Variants in GSG1L observed in about 807,000 individuals in gnomAD.
GSG1L encodes the protein GSG1 like.
GSG1L carries 24 observed loss-of-function variants against 42.1 expected under a neutral mutation model. That is an observed-to-expected ratio of 0.57 (90% CI 0.41 to 0.80). The LOEUF is 0.80. Ranked by LOEUF, GSG1L falls within the 30% of genes least tolerant of loss-of-function variation. GSG1L has a pLI of 0.00. For synonymous variants in GSG1L, 215 were observed against 203.5 expected, an observed-to-expected ratio of 1.06 and a Z score of -0.48; for missense variants, 445 against 472.2, an observed-to-expected ratio of 0.94 and a Z score of 0.53.
At chr16:27,960,757 C>T (rs144962214) in intron 2 of GSG1L, among the ~76,000 whole-genome samples, 1 of 152,270 alleles carries the variant, frequency 6.6e-6, no homozygotes, top group Non-Finnish European at 1.5e-5. Flanking sequence ...ACCCTGCCAA[C>T]CTCAAGCGAG....
intron 3 of GSG1L, among the ~76,000 whole-genome samples, chr16:27,879,059 G>A (rs1567500884): frequency 6.6e-6 from 1 of 152,098 alleles, no homozygotes; most frequent in Admixed American, 6.5e-5. Flanking sequence ...TTTGATACAC[G>A]GATCCAGCAG....
At chr16:27,959,501 G>A (rs1055956916) in intron 2 of GSG1L, among the ~76,000 whole-genome samples, 2 of 141,288 alleles carry the variant, frequency 1.4e-5, no homozygotes, top group African/African-American at 5.3e-5. Context: ...GAGACAAGAC[G>A]GGAAGGGAGG....
chr16:27,966,797 T>C (rs1261174475), intron 1 of GSG1L, among the ~76,000 whole-genome samples: 1 of 152,222 alleles, frequency 6.6e-6, no homozygotes, highest in Non-Finnish European at 1.5e-5. Context: ...ATCATAAAAA[T>C]AGGTAAATTG....
intron 1 of GSG1L, among the ~76,000 whole-genome samples, chr16:28,054,582 T>C (rs867644688): frequency 6.6e-6 from 1 of 151,950 alleles, no homozygotes; most frequent in Non-Finnish European, 1.5e-5. Context: ...TAAGCCAAGA[T>C]TGCACCACTG....
intron 6 of GSG1L, among the ~76,000 whole-genome samples, chr16:27,796,579 G>A (rs1054745964): frequency 2.6e-5 from 4 of 152,238 alleles, no homozygotes; most frequent in Non-Finnish European, 5.9e-5. Context: ...CGTGTCTGCA[G>A]AATGAGTGAA....
At chr16:28,020,327 AG>A (rs1482092107) in intron 1 of GSG1L, among the ~76,000 whole-genome samples, 1 of 152,190 alleles carries the variant, frequency 6.6e-6, no homozygotes, top group Admixed American at 6.5e-5. Context: ...GTGTCATTCC[AG>A]GGAATCTGAG....
intron 2 of GSG1L, among the ~76,000 whole-genome samples, chr16:27,950,740 A>G (rs1039347945): frequency 6.6e-6 from 1 of 152,072 alleles, no homozygotes; most frequent in Non-Finnish European, 1.5e-5. Context: ...TCACTTAGCT[A>G]TGTCCACTGA....
In GSG1L at chr16:27,844,922, G is replaced by A. The variant is rs781580763; in HGVS notation, c.662+28C>T. 5 of 1,412,714 alleles carry A rather than the reference G, an allele frequency of 3.5e-6. No homozygotes were observed. The South Asian group carries it at 6.0e-5, about 17-fold the overall frequency. The allele number at this position is 1,412,714 out of a possible 1,614,324, so 87.5% of individuals were successfully genotyped here. ...CGTGCCTTGGGCCCTGGTGCCTGAA[G>A]CTGCTCTTGTCCTGAAGGTCCACTT... On this transcript the variant is annotated intron_variant, in intron 4 of 6. Coordinates refer to ENST00000447459, the MANE Select transcript of GSG1L (RefSeq NM_001109763.2).
chr16:27,894,661 G>T (rs891866445), intron 2 of GSG1L, among the ~76,000 whole-genome samples: 4 of 152,292 alleles, frequency 2.6e-5, no homozygotes, highest in Non-Finnish European at 4.4e-5. Context: ...AATATGGGAA[G>T]CTCAGAGGCA....
chr16:27,888,171 C>T, intron 2 of GSG1L: 1 of 981,410 alleles, frequency 1.0e-6, no homozygotes, highest in Non-Finnish European at 1.2e-6. Context: ...CCCACGCAGC[C>T]CCCACACCCC....
chr16:27,876,410 G>T (rs751980115), intron 3 of GSG1L, among the ~76,000 whole-genome samples: 7 of 152,222 alleles, frequency 4.6e-5, no homozygotes, highest in Non-Finnish European at 8.8e-5. Flanking sequence ...TTCCTTGGGG[G>T]AAGGTGTCAT....
rs139568358 is a variant in GSG1L, at chr16:27,951,691, C to A, written c.397+11465G>T. Among the ~76,000 whole-genome samples the A allele has an allele frequency of 2.6e-3, 393 of 152,308 alleles. 5 individuals carry two copies. The highest frequency in any genetic ancestry group is 9.3e-3 in the African/African-American group (387 of 41,574). On this transcript the variant is annotated intron_variant, in intron 2 of 6. Transcript: ENST00000447459. ...TTAGCTCAGATGTCAGTTTGGGCAG[C>A]TGTGGAAGCAGCTGTGGAGAGGGGC...
intron 3 of GSG1L, among the ~76,000 whole-genome samples, chr16:27,876,423 T>C (rs576070173): frequency 6.6e-6 from 1 of 152,310 alleles, no homozygotes; most frequent in Admixed American, 6.5e-5. Flanking sequence ...GGTGTCATGA[T>C]TGAACACAGA....
At chr16:27,822,491 G>T (rs1464664660) in intron 5 of GSG1L, among the ~76,000 whole-genome samples, 1 of 152,032 alleles carries the variant, frequency 6.6e-6, no homozygotes, top group Non-Finnish European at 1.5e-5. Context: ...ATCATAGCTC[G>T]CTGAAGCCTT....
chr16:27,902,276 C>T (rs528441336), intron 2 of GSG1L, among the ~76,000 whole-genome samples: 9 of 152,108 alleles, frequency 5.9e-5, no homozygotes, highest in African/African-American at 1.2e-4. Context: ...GCAGAGAGGC[C>T]GAGGGAAAAA....
At chr16:27,905,728 G>A (rs1055054556) in intron 2 of GSG1L, among the ~76,000 whole-genome samples, 2 of 152,128 alleles carry the variant, frequency 1.3e-5, no homozygotes, top group African/African-American at 2.4e-5. Flanking sequence ...GTCTCAGTAC[G>A]GCATTCATCT....
chr16:27,862,638 C>A (rs1490471835), intron 3 of GSG1L, among the ~76,000 whole-genome samples: 1 of 152,184 alleles, frequency 6.6e-6, no homozygotes, highest in Non-Finnish European at 1.5e-5. Flanking sequence ...CTGGCTGGTT[C>A]CCTCCTGAGT....
chr16:27,795,612 C>T (rs2082809803), intron 6 of GSG1L, among the ~76,000 whole-genome samples: 1 of 152,164 alleles, frequency 6.6e-6, no homozygotes, highest in African/African-American at 2.4e-5. Context: ...GTTTGAAAGC[C>T]TCTCTTCACA....
chr16:27,824,520 C>T (rs140578554), intron 5 of GSG1L, among the ~76,000 whole-genome samples: 2,456 of 147,854 alleles, frequency 0.017, 42 homozygotes, highest in Non-Finnish European at 0.027. Context: ...CATCTATGTG[C>T]TCTGAGCTCT....
Sources: gnomAD v4.1 joint callset for allele counts (sites outside exome capture counted in the v4.1 genomes callset) on GRCh38, gnomAD v4.1.1 for gene constraint, MANE v1.5 for transcripts, NCBI Gene and HGNC (gene_info 2026-07-23, HGNC 2026-07-21) for gene names.